Variants in ARID4B observed in about 807,000 individuals in gnomAD.
ARID4B encodes the protein AT-rich interactive domain-containing protein 4B.
In ARID4B, 26 loss-of-function variants were observed where a neutral mutation model predicts 147.5. The observed-to-expected ratio is 0.18, with a 90% CI of 0.13 to 0.24. ARID4B has a LOEUF of 0.24. ARID4B is among the 10% of genes least tolerant of loss of function. ARID4B has a pLI of 1.00. For synonymous variants in ARID4B, 512 were observed against 507.9 expected (o/e 1.01, Z -0.11); for missense variants, 1,179 against 1,511.5 (o/e 0.78, Z 3.65).
intron 2 of ARID4B, among the ~76,000 whole-genome samples, chr1:235,325,508 T>C (rs1558317730): frequency 6.6e-6 from 1 of 152,214 alleles, no homozygotes; most frequent in Non-Finnish European, 1.5e-5. Context: ...ACACATTACA[T>C]TTACTCCAAA....
chr1:235,300,193 AC>A (rs1246260721), intron 2 of ARID4B, among the ~76,000 whole-genome samples: 1 of 152,012 alleles, frequency 6.6e-6, no homozygotes, highest in Non-Finnish European at 1.5e-5. Flanking sequence ...AGGCGGGCAA[AC>A]CGCTTGAGGT....
At chr1:235,218,637 T>C (rs1475456247) in intron 16 of ARID4B, among the ~76,000 whole-genome samples, 1 of 152,106 alleles carries the variant, frequency 6.6e-6, no homozygotes, top group Non-Finnish European at 1.5e-5. Context: ...ATTTCAGAAC[T>C]CTGATCAATC....
At position 235,234,414 on chromosome 1, in the gene ARID4B, A is replaced by G; in HGVS notation, c.664T>C (p.Phe222Leu). 1 of 1,588,880 alleles carries G rather than the reference A, an allele frequency of 6.3e-7. No individual in the cohort carries two copies. Among genetic ancestry groups the G allele is most frequent in the Non-Finnish European group, 8.6e-7 (1 of 1,160,298 alleles). Residue 222 changes from phenylalanine to leucine, a missense_variant and splice_region_variant, in exon 9 of 24, where the codon TTT (phenylalanine) becomes CTT (leucine). Transcript: ENST00000264183. ...TCAAACCAAGTAAATTATACTTACA[A>G]TTTTCCATCTTTGAAAGATCGAACA... ...ILVRSFKDGK[F>L]TSVPRKDVHE...
chr1:235,306,317 G>C lies in ARID4B; in HGVS notation c.6+20597C>G, dbSNP rs1325887419. On this transcript the variant is annotated intron_variant, in intron 2 of 23. Transcript: ENST00000264183. ...AGAAGATCGAGACCATCCTGGCTAA[G>C]ACAGTGAAACCCCGTCTCTACTAAA... Among the ~76,000 whole-genome samples, 3 of 151,920 alleles carry C rather than the reference G, an allele frequency of 2.0e-5. No individual in the cohort carries two copies. In the East Asian group the frequency reaches 5.8e-4, roughly 29 times the overall value.
At chr1:235,246,911 C>A (rs1669334313) in intron 6 of ARID4B, among the ~76,000 whole-genome samples, 1 of 151,778 alleles carries the variant, frequency 6.6e-6, no homozygotes, top group African/African-American at 2.4e-5. Flanking sequence ...GAATCATAAT[C>A]CATAAAATAA....
chr1:235,321,531 A>G (rs1330816931), intron 2 of ARID4B, among the ~76,000 whole-genome samples: 5 of 151,884 alleles, frequency 3.3e-5, no homozygotes, highest in Non-Finnish European at 5.9e-5. Flanking sequence ...TTTAAGACAG[A>G]CTCTTGCTCT....
At chr1:235,182,921 T>A (rs938651570) in intron 19 of ARID4B, 128 bp from the exon 20 acceptor site, 2 of 776,506 alleles carry the variant, frequency 2.6e-6, no homozygotes, top group South Asian at 5.2e-5. Context: ...TTTATCTCTA[T>A]GTAACATGCA....
chr1:235,180,448 A>T (rs2102920372), intron 20 of ARID4B: 1 of 152,246 alleles, frequency 6.6e-6, no homozygotes, highest in Non-Finnish European at 1.5e-5. Context: ...CCTGGCCAGT[A>T]AAATCTTACT....
At chr1:235,289,253 G>T (rs1324156377) in intron 2 of ARID4B, among the ~76,000 whole-genome samples, 1 of 152,100 alleles carries the variant, frequency 6.6e-6, no homozygotes, top group Non-Finnish European at 1.5e-5. Flanking sequence ...AAGTTTGGGA[G>T]CTATAAAATA....
intron 2 of ARID4B, among the ~76,000 whole-genome samples, chr1:235,317,981 A>G (rs1674552275): frequency 6.6e-6 from 1 of 152,156 alleles, no homozygotes; most frequent in Admixed American, 6.6e-5. Flanking sequence ...GACCCAAGAG[A>G]ATTAAAAATA....
chr1:235,321,545 G>A (rs993932671), intron 2 of ARID4B, among the ~76,000 whole-genome samples: 1 of 151,988 alleles, frequency 6.6e-6, no homozygotes, highest in Non-Finnish European at 1.5e-5. Flanking sequence ...TTGCTCTGTC[G>A]CCCAGGCTGG....
intron 2 of ARID4B, among the ~76,000 whole-genome samples, chr1:235,294,905 A>C (rs1672586426): frequency 6.6e-6 from 1 of 151,748 alleles, no homozygotes; most frequent in Admixed American, 6.6e-5. Flanking sequence ...CTCCTTAGAA[A>C]CCAAAACCAA....
intron 2 of ARID4B, among the ~76,000 whole-genome samples, chr1:235,304,422 TG>T (rs1271290645): frequency 6.6e-6 from 1 of 152,210 alleles, no homozygotes; most frequent in African/African-American, 2.4e-5. Flanking sequence ...AAAACAATCT[TG>T]TGTGATTTAA....
intron 17 of ARID4B, among the ~76,000 whole-genome samples, chr1:235,208,602 G>C (rs952352205): frequency 3.3e-5 from 5 of 151,746 alleles, no homozygotes; most frequent in Non-Finnish European, 7.4e-5. Flanking sequence ...TCCCAGGTTC[G>C]AGCGATTCTC....
In ARID4B at chr1:235,224,716, A is replaced by G. The variant is rs548414478; in HGVS notation, c.957T>C (p.Phe319=). 2.6e-5 allele frequency: 42 copies of G among 1,595,848 alleles called. 1 individual carries two copies. In the African/African-American group the frequency reaches 3.4e-4, roughly 13 times the overall value. The change falls in exon 12 of 24, where the codon TTT becomes TTC. Residue 319 remains phenylalanine (F), a synonymous_variant. Transcript: ENST00000264183. ...AAAAATACTCACCTCTATCTTCCATAAATTTGTACAATTGCTGAAGAAAGT... is the reference window on the plus strand; with the variant it reads ...AAAAATACTCACCTCTATCTTCCATGAATTTGTACAATTGCTGAAGAAAGT... The part of the protein sequence containing the change: ...RENFLQQLYK[F]MEDRGTPINK...
In ARID4B at chr1:235,194,099, G is replaced by C; in HGVS notation, c.2039C>G (p.Ser680Cys). ...FQTNPSPEMV[S>C]KLDLTDAKNS... Reference sequence around the variant, plus strand: ...TTTGGCATCAGTGAGATCCAGTTTGGATACCATTTCAGGAGATGGATTTGT... The same window carrying C: ...TTTGGCATCAGTGAGATCCAGTTTGCATACCATTTCAGGAGATGGATTTGT... Residue 680 changes from serine to cysteine, a missense_variant, in exon 19 of 24, where the codon TCC (serine) becomes TGC (cysteine). Ser to Cys is a moderately radical substitution (Grantham distance 112). Around this residue, in one of 10 missense-constraint regions of ARID4B, gnomAD observed 321 missense variants for 342.4 expected, o/e 0.94. Coordinates refer to ENST00000264183, the MANE Select transcript of ARID4B (RefSeq NM_016374.6). 6.2e-7 allele frequency: 1 copy of C among 1,613,104 alleles called. No homozygotes were observed. Among genetic ancestry groups the C allele is most frequent in the South Asian group, 1.1e-5 (1 of 91,068 alleles).
chr1:235,177,864 T>A lies in ARID4B; in HGVS notation c.3384A>T (p.Ser1128=). ...RVKDAQGGGS[S]SKKQKRSHKA... ...TATGGCTTCTTTTCTGCTTTTTTGA[T>A]GAACTTCCTCCTCCCTGAGCATCTT... is the stretch of plus-strand genomic sequence containing the variant. The change falls in exon 21 of 24, where the codon TCA becomes TCT. Residue 1128 remains serine, a synonymous_variant. Coordinates refer to ENST00000264183, the MANE Select transcript of ARID4B (RefSeq NM_016374.6). 1 of 1,611,994 alleles carries A rather than the reference T, an allele frequency of 6.2e-7. No homozygotes were observed. The highest frequency in any genetic ancestry group is 8.5e-7 in the Non-Finnish European group (1 of 1,178,916).
chr1:235,168,847 G>C (rs1379144541), intron 23 of ARID4B, among the ~76,000 whole-genome samples, 195 bp from the exon 24 acceptor site: 1 of 152,186 alleles, frequency 6.6e-6, no homozygotes, highest in Non-Finnish European at 1.5e-5. Flanking sequence ...GCTAGACAGT[G>C]CCCAACTACA....
In ARID4B at chr1:235,182,185, A is replaced by G. The variant is rs1438028631; in HGVS notation, c.2734T>C (p.Ser912Pro). 6.2e-7 allele frequency: 1 copy of G among 1,614,078 alleles called. No homozygotes were observed. The highest frequency in any genetic ancestry group is 2.2e-5 in the East Asian group (1 of 44,888). ...AEKRIKLLNN[S>P]DERLQNSRAK... is the part of the protein sequence containing the mutation. Reference sequence around the variant, plus strand: ...CTGCTGTTTTGAAGTCTTTCATCAGAGTTATTTAAAAGTTTAATCCTTTTT... The same window carrying G: ...CTGCTGTTTTGAAGTCTTTCATCAGGGTTATTTAAAAGTTTAATCCTTTTT... Residue 912 changes from serine to proline, a missense_variant, in exon 20 of 24, where the codon TCT becomes CCT. Transcript: ENST00000264183.
Sources: allele counts gnomAD v4.1 joint callset (sites outside exome capture counted in the v4.1 genomes callset), GRCh38; gene constraint gnomAD v4.1.1; regional missense constraint gnomAD v4.1.1; transcripts MANE v1.5; gene names NCBI Gene and HGNC (gene_info 2026-07-23, HGNC 2026-07-21).